The following DYNC1I1 variants were observed in gnomAD, a reference collection of about 807,000 sequenced individuals.
DYNC1I1 encodes the protein dynein cytoplasmic 1 intermediate chain 1, also known as cytoplasmic dynein 1 intermediate chain 1.
DYNC1I1 carries 43 observed loss-of-function variants against 86.6 expected under a neutral mutation model. That is an observed-to-expected ratio of 0.50 (90% CI 0.39 to 0.64). The LOEUF (loss-of-function observed/expected upper bound fraction) is 0.64, where lower values mean the gene tolerates loss of function less well. Ranked by LOEUF, DYNC1I1 falls within the 30% of genes least tolerant of loss-of-function variation. DYNC1I1 has a pLI of 0.00. For missense variants in DYNC1I1, 604 were observed against 788.8 expected, an observed-to-expected ratio of 0.77 and a Z score of 2.81; for synonymous variants, 262 against 283.7, an observed-to-expected ratio of 0.92 and a Z score of 0.77.
At chr7:95,780,693 G>T (rs553313181) in intron 1 of DYNC1I1, among the ~76,000 whole-genome samples, 2 of 152,118 alleles carry the variant, frequency 1.3e-5, no homozygotes, top group African/African-American at 2.4e-5. Flanking sequence ...CTCTCTTTCT[G>T]AATGCAGTTT....
At chr7:96,022,820 T>C (rs1041859799) in intron 10 of DYNC1I1, among the ~76,000 whole-genome samples, 4 of 151,950 alleles carry the variant, frequency 2.6e-5, no homozygotes, top group Non-Finnish European at 5.9e-5. Flanking sequence ...ACTTGAGCTA[T>C]GACTGTGCCA....
chr7:95,910,886 G>A (rs1355172622), intron 6 of DYNC1I1, among the ~76,000 whole-genome samples: 2 of 152,182 alleles, frequency 1.3e-5, no homozygotes, highest in African/African-American at 4.8e-5. Flanking sequence ...GTTGGCCGTC[G>A]TAATATTGGC....
intron 10 of DYNC1I1, among the ~76,000 whole-genome samples, chr7:96,007,686 C>G (rs1034124696): frequency 6.6e-6 from 1 of 151,932 alleles, no homozygotes; most frequent in Admixed American, 6.6e-5. Context: ...GCAGATCAAC[C>G]CAGCGAAAAA....
At chr7:95,962,852 T>C (rs1258999186) in intron 6 of DYNC1I1, among the ~76,000 whole-genome samples, 1 of 152,164 alleles carries the variant, frequency 6.6e-6, no homozygotes, top group Non-Finnish European at 1.5e-5. Flanking sequence ...TCCTCCTGGG[T>C]CATGGCACTA....
chr7:95,926,137 C>T (rs2116393477), intron 6 of DYNC1I1, among the ~76,000 whole-genome samples: 1 of 152,202 alleles, frequency 6.6e-6, no homozygotes, highest in East Asian at 1.9e-4. Context: ...CATAAGATTT[C>T]AAACAATGTA....
chr7:95,968,142 G>A (rs1562958692), intron 6 of DYNC1I1, among the ~76,000 whole-genome samples: 1 of 151,286 alleles, frequency 6.6e-6, no homozygotes, highest in Non-Finnish European at 1.5e-5. Flanking sequence ...TAGAGGTAGG[G>A]AACAATGACC....
At chr7:95,998,459 G>A (rs1488514) in intron 10 of DYNC1I1, among the ~76,000 whole-genome samples, 107,217 of 152,172 alleles carry the variant, frequency 0.7, 38,249 homozygotes, top group African/African-American at 0.8. Flanking sequence ...GAATTAAAAT[G>A]TATATGTGGA....
At chr7:95,919,035 A>G (rs183202227) in intron 6 of DYNC1I1, among the ~76,000 whole-genome samples, 182 of 152,322 alleles carry the variant, frequency 1.2e-3, no homozygotes, top group Admixed American at 2.5e-3. Context: ...TTCCTTTTGT[A>G]CAGAGTAGGC....
intron 16 of DYNC1I1, among the ~76,000 whole-genome samples, chr7:96,097,016 T>C (rs2116333771): frequency 6.6e-6 from 1 of 152,284 alleles, no homozygotes; most frequent in South Asian, 2.1e-4. Context: ...TTTCTTTGTA[T>C]ATATAAGCTA....
In DYNC1I1 at chr7:95,922,965, G is replaced by A. The variant is rs10487141; in HGVS notation, c.490+52967G>A. Among the ~76,000 whole-genome samples the A allele has an allele frequency of 5.2e-3, 794 of 151,872 alleles. 21 individuals carry two copies. Among genetic ancestry groups the A allele is most frequent in the Admixed American group, 0.046 (698 of 15,244 alleles). ...TCTCTCCTGACCCTATTCTCAGAGC[G>A]GATTTTTCTAAAGTCATATTTGCAT... On this transcript the variant is annotated intron_variant, in intron 6 of 16. Transcript: ENST00000447467.
intron 5 of DYNC1I1, among the ~76,000 whole-genome samples, chr7:95,856,101 G>T (rs1789714168): frequency 6.6e-6 from 1 of 152,094 alleles, no homozygotes; most frequent in Non-Finnish European, 1.5e-5. Context: ...TTCTACAGCA[G>T]TACAAAAATA....
chr7:95,874,530 T>C (rs542230821), intron 6 of DYNC1I1, among the ~76,000 whole-genome samples: 4 of 152,236 alleles, frequency 2.6e-5, no homozygotes, highest in Non-Finnish European at 4.4e-5. Flanking sequence ...AATTCATATA[T>C]TGAAGGCTTA....
chr7:96,085,946 ATGTATG>A (rs1475674361), intron 16 of DYNC1I1, among the ~76,000 whole-genome samples: 19 of 149,524 alleles, frequency 1.3e-4, no homozygotes, highest in African/African-American at 4.4e-4. Flanking sequence ...TTTTCAAATG[ATGTATG>A]AACACACATT....
intron 14 of DYNC1I1, among the ~76,000 whole-genome samples, chr7:96,061,712 T>TCTCACACACACACACA (rs1554441137): frequency 1.5e-5 from 2 of 136,814 alleles, no homozygotes; most frequent in African/African-American, 5.6e-5. Flanking sequence ...TCTCTCTCTC[T>TCTCACACACACACACA]CACACACACA....
downstream of DYNC1I1, among the ~76,000 whole-genome samples, chr7:96,099,718 G>C (rs1791098399): frequency 6.6e-6 from 1 of 152,132 alleles, no homozygotes; most frequent in South Asian, 2.1e-4. Flanking sequence ...TCATGACCCA[G>C]TTATCTCCCA....
At chr7:95,790,304 T>G (rs1292666189) in intron 1 of DYNC1I1, among the ~76,000 whole-genome samples, 1 of 152,144 alleles carries the variant, frequency 6.6e-6, no homozygotes, top group African/African-American at 2.4e-5. Context: ...CTGACTGCCT[T>G]TCCATTTGCG....
At chr7:95,852,563 A>T (rs886108699) in intron 5 of DYNC1I1, among the ~76,000 whole-genome samples, 1 of 151,894 alleles carries the variant, frequency 6.6e-6, no homozygotes, top group Non-Finnish European at 1.5e-5. Flanking sequence ...GCTGGAGGTA[A>T]TGGCACAATC....
rs1563005204 is a variant in DYNC1I1, at chr7:96,098,121, G to A, written c.*528G>A. The A allele has an allele frequency of 2.0e-6, 2 of 986,184 alleles. No homozygotes were observed. The highest frequency in any genetic ancestry group is 2.4e-6 in the Non-Finnish European group (2 of 830,186). 61.1% of individuals were successfully genotyped at this position (986,184 alleles called of 1,614,324 possible). A position where few individuals can be genotyped will look rare whatever the true frequency, so the allele number is the denominator to read the frequency against. ...CTGCATGGAACGTATTTATTTGAAA[G>A]CATTAAAATAAATGATCCTAGAGCA... On this transcript the variant is annotated 3_prime_UTR_variant, in exon 17 of 17. Transcript: ENST00000447467.
In DYNC1I1 at chr7:96,098,271, G is replaced by T. The variant is rs777401816; in HGVS notation, c.*678G>T. 1.0e-5 allele frequency: 10 copies of T among 985,706 alleles called. No individual in the cohort carries two copies. Among genetic ancestry groups the T allele is most frequent in the Non-Finnish European group, 1.1e-5 (9 of 829,932 alleles). 61.1% of individuals were successfully genotyped at this position (985,706 alleles called of 1,614,324 possible). ...TCTTTAGAGGTTTCTTGCAGTGAAC[G>T]AAATGAATTTTAATGCCTATTATTT... is the stretch of plus-strand genomic sequence containing the variant. On this transcript the variant is annotated 3_prime_UTR_variant, in exon 17 of 17. Transcript: ENST00000447467.
Sources: allele counts gnomAD v4.1 joint callset (sites outside exome capture counted in the v4.1 genomes callset), GRCh38; gene constraint gnomAD v4.1.1; transcripts MANE v1.5; gene names NCBI Gene and HGNC (gene_info 2026-07-23, HGNC 2026-07-21).